C3orf85: variants seen among roughly 807,000 people sequenced by gnomAD.
C3orf85 encodes chromosome 3 open reading frame 85.
A neutral mutation model predicts 1.7 loss-of-function variants in C3orf85; 1 was observed. The ratio of observed to expected loss-of-function variants is 0.60; its 90% CI spans 0.21 to 2.86. The LOEUF is 2.86. C3orf85 is among the 30% of genes most tolerant of loss of function. C3orf85 has a pLI of 0.22. For synonymous variants in C3orf85, 17 were observed against 8.0 expected (o/e 2.13, Z -1.90); for missense variants, 29 against 21.3 (o/e 1.36, Z -0.72).
intron 2 of C3orf85, among the ~76,000 whole-genome samples, chr3:109,143,715 T>C (rs1706765884): frequency 6.6e-6 from 1 of 152,186 alleles, no homozygotes; most frequent in African/African-American, 2.4e-5. Flanking sequence ...GAAAAGACCT[T>C]AGTGGTTGTG....
At chr3:109,146,584 C>T (rs557878798) in intron 2 of C3orf85, among the ~76,000 whole-genome samples, 1 of 152,224 alleles carries the variant, frequency 6.6e-6, no homozygotes, top group African/African-American at 2.4e-5. Context: ...CCAGATGGCT[C>T]GCTTACCTGG....
In C3orf85 at chr3:109,148,303, C is replaced by T. The variant is rs1381667707; in HGVS notation, c.100C>T (p.Arg34Cys). ...GGAAGACCCTGCAAACCAGTTCCTA[C>T]GTCTCAAAAGACATGTAAATTTGCA... Reference protein sequence around the residue: ...LLEDPANQFLRLKRHVNLQDY... With the variant: ...LLEDPANQFLCLKRHVNLQDY... The change falls in exon 3 of 4, where the codon CGT (arginine) becomes TGT (cysteine). Residue 34 changes from arginine (R) to cysteine (C), a missense_variant. Coordinates refer to ENST00000622536, the MANE Select transcript of C3orf85 (RefSeq NM_001351622.2). 2.0e-5 allele frequency: 14 copies of T among 702,554 alleles called. No individual in the cohort carries two copies. The highest frequency in any genetic ancestry group is 1.1e-4 in the East Asian group (4 of 37,280). The allele number at this position is 702,554 out of a possible 1,614,324, so 43.5% of individuals were successfully genotyped here.
intron 2 of C3orf85, among the ~76,000 whole-genome samples, chr3:109,147,937 C>T (rs1234823618): frequency 1.3e-5 from 2 of 152,106 alleles, no homozygotes; most frequent in Non-Finnish European, 2.9e-5. Context: ...CAACTTTCCC[C>T]GAAAAGTGAT....
intron 2 of C3orf85, among the ~76,000 whole-genome samples, chr3:109,141,431 T>C (rs981846222): frequency 6.6e-6 from 1 of 152,222 alleles, no homozygotes; most frequent in Non-Finnish European, 1.5e-5. Flanking sequence ...TTTCACCTTT[T>C]GTCTTTTGTA....
intron 2 of C3orf85, among the ~76,000 whole-genome samples, chr3:109,145,135 A>G (rs1332832622): frequency 1.3e-5 from 2 of 152,106 alleles, no homozygotes; most frequent in Non-Finnish European, 2.9e-5. Context: ...TCTCATCTGG[A>G]CTATTGAATA....
At chr3:109,144,529 A>G (rs964995599) in intron 2 of C3orf85, among the ~76,000 whole-genome samples, 6 of 152,190 alleles carry the variant, frequency 3.9e-5, no homozygotes, top group African/African-American at 1.4e-4. Context: ...GAGGAGAAGG[A>G]GATTGTATCG....
rs1219445156 is a variant in C3orf85, at chr3:109,150,975, G to A, written c.*1081G>A. Among the ~76,000 whole-genome samples the A allele has an allele frequency of 1.3e-5, 2 of 152,080 alleles. No individual in the cohort carries two copies. The highest frequency in any genetic ancestry group is 1.3e-4 in the Admixed American group (2 of 15,274). On this transcript the variant is annotated 3_prime_UTR_variant, in exon 4 of 4. Coordinates refer to ENST00000622536, the MANE Select transcript of C3orf85 (RefSeq NM_001351622.2). Reference sequence around the variant, plus strand: ...GTTGACTGGAAGGACTTTGGCCTCAGCAATTTCTTCTCCAAAAGGACACTG... The same window carrying A: ...GTTGACTGGAAGGACTTTGGCCTCAACAATTTCTTCTCCAAAAGGACACTG...
chr3:109,149,245 TC>T (rs1706838191), intron 3 of C3orf85: 1 of 152,144 alleles, frequency 6.6e-6, no homozygotes. Context: ...TTGTATAAAG[TC>T]ATAAAAAGTT....
At chr3:109,137,581 C>T (rs748139535) in intron 2 of C3orf85, among the ~76,000 whole-genome samples, 1 of 144,854 alleles carries the variant, frequency 6.9e-6, no homozygotes, top group Non-Finnish European at 1.5e-5. Context: ...TATATTTTTC[C>T]TGAAGCCCTT....
At position 109,145,048 on chromosome 3, in the gene C3orf85, G is replaced by A. The variant is rs577094124; in HGVS notation, c.50-3205G>A. 1.2e-3 allele frequency among the ~76,000 whole-genome samples: 186 copies of A among 152,162 alleles called. 1 individual carries two copies. The highest frequency in any genetic ancestry group is 4.2e-3 in the African/African-American group (173 of 41,524). On this transcript the variant is annotated intron_variant, in intron 2 of 3. Transcript: ENST00000622536. ...CACACTGGTCAGCCCAAATGAATGC[G>A]TGTTCCTTCCTCCTGTCTTCCTCAA...
intron 2 of C3orf85, among the ~76,000 whole-genome samples, chr3:109,140,197 A>C (rs1481399498): frequency 6.6e-6 from 1 of 152,248 alleles, no homozygotes; most frequent in Non-Finnish European, 1.5e-5. Context: ...TGGCTGGAAA[A>C]AAAAATGTTG....
In C3orf85 at chr3:109,143,131, G is replaced by A. The variant is rs368915736; in HGVS notation, c.50-5122G>A. ...TTCCCAGGAGCAGAGCACACATAGG[G>A]GTGAAGAGGGGCCTAGGCTTACCCT... On this transcript the variant is annotated intron_variant, in intron 2 of 3. Coordinates refer to ENST00000622536, the MANE Select transcript of C3orf85 (RefSeq NM_001351622.2). Among the ~76,000 whole-genome samples the A allele has an allele frequency of 5.9e-5, 9 of 152,224 alleles. No individual in the cohort carries two copies. The East Asian group carries it at 1.4e-3, about 23-fold the overall frequency.
At chr3:109,148,437 T>C (rs1317019891) in intron 3 of C3orf85, 51 bp downstream of exon 3, 2 of 701,374 alleles carry the variant, frequency 2.9e-6, no homozygotes, top group Non-Finnish European at 5.2e-6. Flanking sequence ...TTTTAAATAG[T>C]CATTGCATTA....
intron 2 of C3orf85, among the ~76,000 whole-genome samples, chr3:109,137,411 G>A (rs1322756428): frequency 6.6e-6 from 1 of 151,618 alleles, no homozygotes; most frequent in Non-Finnish European, 1.5e-5. Flanking sequence ...TGAACTGAGA[G>A]GTCATTTGTT....
At chr3:109,144,983 T>G (rs537887158) in intron 2 of C3orf85, among the ~76,000 whole-genome samples, 1 of 152,346 alleles carries the variant, frequency 6.6e-6, no homozygotes, top group Admixed American at 6.5e-5. Flanking sequence ...GACCCATTAG[T>G]GCATTTCATC....
At chr3:109,146,097 A>G (rs1706796372) in intron 2 of C3orf85, among the ~76,000 whole-genome samples, 1 of 152,232 alleles carries the variant, frequency 6.6e-6, no homozygotes, top group Non-Finnish European at 1.5e-5. Context: ...AACTCTGACT[A>G]TAATGTGAAT....
rs968494817 is a variant in C3orf85, at chr3:109,151,136, C to T, written c.*1242C>T. 6.6e-6 allele frequency among the ~76,000 whole-genome samples: 1 copy of T among 152,138 alleles called. No individual in the cohort carries two copies. Among genetic ancestry groups the T allele is most frequent in the African/African-American group, 2.4e-5 (1 of 41,420 alleles). ...AATATGAACATAGATTTTTAAATTA[C>T]ATCTGAACAAACAAAACAAAGATGA... On this transcript the variant is annotated 3_prime_UTR_variant, in exon 4 of 4. Transcript: ENST00000622536.
intron 2 of C3orf85, among the ~76,000 whole-genome samples, chr3:109,140,802 G>T (rs547598808): frequency 6.3e-4 from 96 of 152,344 alleles, no homozygotes; most frequent in Middle Eastern, 3.4e-3. Flanking sequence ...CATTGTGTAT[G>T]TGTGTTAAGA....
intron 2 of C3orf85, among the ~76,000 whole-genome samples, chr3:109,143,734 A>G (rs1706766059): frequency 6.6e-6 from 1 of 152,238 alleles, no homozygotes; most frequent in African/African-American, 2.4e-5. Context: ...TGTAATCCAG[A>G]CTTGTTTCAC....
Sources: gnomAD v4.1 joint callset for allele counts (sites outside exome capture counted in the v4.1 genomes callset) on GRCh38, gnomAD v4.1.1 for gene constraint, MANE v1.5 for transcripts, NCBI Gene and HGNC (gene_info 2026-07-23, HGNC 2026-07-21) for gene names.